RTTN: variants seen among roughly 807,000 people sequenced by gnomAD.
The protein encoded by RTTN is rotatin.
RTTN carries 182 observed loss-of-function variants against 269.2 expected under a neutral mutation model. The observed-to-expected ratio is 0.68, with a 90% confidence interval of 0.60 to 0.76. The LOEUF is 0.76. Ranked by LOEUF, RTTN falls within the 30% of genes least tolerant of loss-of-function variation. RTTN has a pLI of 0.00. For missense variants in RTTN, 2,545 were observed against 2,608.6 expected, an observed-to-expected ratio of 0.98 and a Z score of 0.53; for synonymous variants, 1,006 against 963.5, an observed-to-expected ratio of 1.04 and a Z score of -0.82.
chr18:70,194,983 A>G (rs1011450476), intron 7 of RTTN, among the ~76,000 whole-genome samples: 2 of 152,220 alleles, frequency 1.3e-5, no homozygotes, highest in Admixed American at 1.3e-4. Context: ...TAAAAAAAGA[A>G]TTAGGTAATA....
At chr18:70,198,250 G>C (rs906126683) in intron 5 of RTTN, among the ~76,000 whole-genome samples, 19 of 152,268 alleles carry the variant, frequency 1.2e-4, no homozygotes, top group African/African-American at 4.6e-4. Context: ...AGGATTGGCA[G>C]TTGTTCACTC....
intron 43 of RTTN, among the ~76,000 whole-genome samples, chr18:70,025,584 C>T (rs1054570800): frequency 6.6e-6 from 1 of 152,196 alleles, no homozygotes; most frequent in African/African-American, 2.4e-5. Context: ...CAATGTTCAA[C>T]ACTCTCCGTA....
intron 14 of RTTN, among the ~76,000 whole-genome samples, chr18:70,163,053 G>GGAT (rs1448429111): frequency 8.8e-6 from 1 of 113,710 alleles, no homozygotes; most frequent in Non-Finnish European, 1.7e-5. Flanking sequence ...GCACCCATTA[G>GGAT]GATGGTTACT....
At chr18:70,109,742 C>A in intron 27 of RTTN, 25 bp from the exon 28 acceptor site, 1 of 1,593,176 alleles carries the variant, frequency 6.3e-7, no homozygotes. Flanking sequence ...GAGGGAAAAT[C>A]AACCACCAAG....
intron 5 of RTTN, among the ~76,000 whole-genome samples, chr18:70,198,838 C>G (rs2146160941): frequency 6.6e-6 from 1 of 152,250 alleles, no homozygotes; most frequent in East Asian, 1.9e-4. Context: ...ATAAGAGAAT[C>G]TGGCCAATAA....
At chr18:70,031,302 C>T (rs2057005857) in intron 40 of RTTN, 1 of 405,788 alleles carries the variant, frequency 2.5e-6, no homozygotes, top group Admixed American at 4.3e-5. Context: ...ATGTGTGTAC[C>T]TTATTAAAAT....
chr18:70,023,007 C>A (rs1388249706), intron 44 of RTTN, among the ~76,000 whole-genome samples: 2 of 152,180 alleles, frequency 1.3e-5, no homozygotes, highest in Non-Finnish European at 2.9e-5. Flanking sequence ...CCCAGTGGCG[C>A]CTGCCTCTGT....
intron 47 of RTTN, 158 bp from the exon 48 acceptor site, chr18:70,005,425 G>A: frequency 2.1e-6 from 1 of 481,732 alleles, no homozygotes; most frequent in Non-Finnish European, 3.6e-6. Context: ...ATCCTATTGA[G>A]CCAATCCCCT....
chr18:70,139,992 C>A, intron 20 of RTTN, 108 bp downstream of exon 20: 1 of 768,772 alleles, frequency 1.3e-6, no homozygotes, highest in Non-Finnish European at 2.2e-6. Context: ...GGAGGTGTTA[C>A]TTAGAATTTA....
intron 14 of RTTN, among the ~76,000 whole-genome samples, chr18:70,153,020 G>T (rs1480540174): frequency 1.3e-5 from 2 of 151,846 alleles, no homozygotes; most frequent in African/African-American, 4.8e-5. Flanking sequence ...CCTTCTTTTT[G>T]TTCGTGAAAC....
intron 14 of RTTN, among the ~76,000 whole-genome samples, chr18:70,160,471 C>A (rs1238185547): frequency 1.3e-5 from 2 of 151,912 alleles, no homozygotes; most frequent in African/African-American, 4.8e-5. Context: ...CAGTATCATA[C>A]TGAACAAGCA....
intron 20 of RTTN, 179 bp downstream of exon 20, chr18:70,139,921 A>G: frequency 1.6e-6 from 1 of 624,690 alleles, no homozygotes; most frequent in Non-Finnish European, 2.8e-6. Context: ...AAATTTTAGG[A>G]TTAGTTTTCC....
intron 11 of RTTN, among the ~76,000 whole-genome samples, chr18:70,173,049 A>C (rs188438230): frequency 1.1e-4 from 17 of 152,368 alleles, no homozygotes; most frequent in Non-Finnish European, 2.1e-4. Context: ...AGGACTTCAG[A>C]AACATAATGA....
chr18:70,030,262 G>C (rs2056974357), intron 41 of RTTN, among the ~76,000 whole-genome samples, 153 bp from the exon 42 acceptor site: 1 of 152,116 alleles, frequency 6.6e-6, no homozygotes, highest in South Asian at 2.1e-4. Context: ...GAATCAGAGG[G>C]GGGATAAGTA....
intron 21 of RTTN, among the ~76,000 whole-genome samples, chr18:70,139,262 AAG>A (rs1176394732): frequency 2.6e-5 from 4 of 152,176 alleles, no homozygotes; most frequent in Admixed American, 6.5e-5. Flanking sequence ...AGAAAGACGA[AAG>A]AGATATTGGA....
chr18:70,204,127 A>ACTTCCTT lies in RTTN; in HGVS notation c.355_356insAAGGAAG (p.Val119GlufsTer17), dbSNP rs775104972. ...GTATGAGGCAGAAGATAGTGCAGGA[A>ACTTCCTT]CTTCCGAAGGAAGAAGAAAAAGTCC... is the stretch of plus-strand genomic sequence containing the variant. On this transcript the variant is annotated frameshift_variant, in exon 3 of 49. Coordinates refer to ENST00000640769, the MANE Select transcript of RTTN (RefSeq NM_173630.4). LOFTEE classifies it high-confidence loss of function. 4.3e-6 allele frequency: 7 copies of ACTTCCTT among 1,613,906 alleles called. No homozygotes were observed. The African/African-American group carries it at 9.3e-5, about 22-fold the overall frequency.
At chr18:70,186,318 C>A (rs1381920579) in intron 10 of RTTN, among the ~76,000 whole-genome samples, 1 of 152,218 alleles carries the variant, frequency 6.6e-6, no homozygotes, top group Non-Finnish European at 1.5e-5. Context: ...TTTAATGAAA[C>A]AGCATTACAA....
At chr18:70,175,824 T>A (rs1049293083) in intron 11 of RTTN, among the ~76,000 whole-genome samples, 1 of 152,120 alleles carries the variant, frequency 6.6e-6, no homozygotes, top group East Asian at 1.9e-4. Flanking sequence ...CATTAAGATA[T>A]GCTAACTATA....
chr18:70,018,541 C>G (rs1269253432), intron 45 of RTTN, among the ~76,000 whole-genome samples: 1 of 152,144 alleles, frequency 6.6e-6, no homozygotes, highest in Admixed American at 6.5e-5. Flanking sequence ...TTTCCTAGAC[C>G]AAAATCAAGA....
Sources: allele counts gnomAD v4.1 joint callset (sites outside exome capture counted in the v4.1 genomes callset), GRCh38; gene constraint gnomAD v4.1.1; transcripts MANE v1.5; gene names NCBI Gene and HGNC (gene_info 2026-07-23, HGNC 2026-07-21).